Variants in NDUFAF6 observed in about 807,000 individuals in gnomAD.
The protein encoded by NDUFAF6 is NADH:ubiquinone oxidoreductase complex assembly factor 6.
NDUFAF6 carries 45 observed loss-of-function variants against 40.8 expected under a neutral mutation model. The ratio of observed to expected loss-of-function variants is 1.10; its 90% CI spans 0.87 to 1.42. The LOEUF is 1.42. NDUFAF6 is among the 40% of genes most tolerant of loss of function. NDUFAF6 has a pLI of 0.00. For synonymous variants in NDUFAF6, 185 were observed against 155.9 expected (o/e 1.19, Z -1.39); for missense variants, 435 against 418.5 (o/e 1.04, Z -0.34).
intron 1 of NDUFAF6, chr8:94,928,733 CTCTAA>C: frequency 6.6e-6 from 1 of 152,360 alleles, no homozygotes; most frequent in East Asian, 1.9e-4. Flanking sequence ...ACTCCAAACG[CTCTAA>C]TCTAGTCAGA....
At chr8:94,993,751 C>A (rs369988742) in intron 2 of NDUFAF6, among the ~76,000 whole-genome samples, 5 of 152,272 alleles carry the variant, frequency 3.3e-5, no homozygotes, top group South Asian at 2.1e-4. Context: ...AGTGCCCATC[C>A]AGCCCACAAA....
chr8:95,014,048 C>G (rs898790480), intron 2 of NDUFAF6, among the ~76,000 whole-genome samples: 3 of 152,220 alleles, frequency 2.0e-5, no homozygotes, highest in African/African-American at 4.8e-5. Context: ...CAGAAGCTAG[C>G]AGAGAGGCAC....
downstream of NDUFAF6, among the ~76,000 whole-genome samples, chr8:95,107,467 G>A (rs1975426): frequency 0.83 from 126,237 of 152,004 alleles, 52,824 homozygotes; most frequent in East Asian, 1. Flanking sequence ...ATCACACACC[G>A]GGGCCTGTCG....
chr8:95,100,953 A>G (rs1809630786), intron 1 of NDUFAF6, among the ~76,000 whole-genome samples: 1 of 152,148 alleles, frequency 6.6e-6, no homozygotes, highest in Non-Finnish European at 1.5e-5. Context: ...GCTGCCTCCT[A>G]GCTTAATGTT....
chr8:94,967,519 A>G (rs961010980), intron 1 of NDUFAF6, among the ~76,000 whole-genome samples: 1 of 152,194 alleles, frequency 6.6e-6, no homozygotes, highest in Non-Finnish European at 1.5e-5. Context: ...CTGTTGCATT[A>G]TCCTGAAACT....
Position 95,057,885 on chromosome 8 carries a change from A to G in NDUFAF6, c.950A>G (p.Asn317Ser), listed in dbSNP as rs757882119. 4 of 1,588,168 alleles carry G rather than the reference A, an allele frequency of 2.5e-6. No homozygotes were observed. In the South Asian group the frequency reaches 4.4e-5, roughly 18 times the overall value. ...TTCCACCCATCTTTACAGCAGAAGAATACATTACTTCCATTATATTTGTAT... is the reference window on the plus strand; with the variant it reads ...TTCCACCCATCTTTACAGCAGAAGAGTACATTACTTCCATTATATTTGTAT... ...DIFHPSLQQK[N>S]TLLPLYLYIQ... The change falls in exon 9 of 9, where the codon AAT (asparagine) becomes AGT (serine). Residue 317 changes from asparagine to serine, a missense_variant. Physicochemically the swap from Asn to Ser is conservative, Grantham distance 46 (BLOSUM62 1). Coordinates refer to ENST00000396124, the MANE Select transcript of NDUFAF6 (RefSeq NM_152416.4).
At chr8:95,007,171 G>A (rs1013873460) in intron 2 of NDUFAF6, among the ~76,000 whole-genome samples, 2 of 152,090 alleles carry the variant, frequency 1.3e-5, no homozygotes, top group African/African-American at 4.8e-5. Context: ...CTTCTGAAAG[G>A]CTGAGAGAGA....
At chr8:95,081,143 C>CTTTTTTTT (rs559573385), downstream of NDUFAF6, among the ~76,000 whole-genome samples, 7 of 57,758 alleles carry the variant, frequency 1.2e-4, no homozygotes, top group African/African-American at 4.0e-4. Flanking sequence ...AGTCCTGCAT[C>CTTTTTTTT]TTTTTTTTTT....
chr8:95,005,554 A>ATATATATATATATATATATAAATAT (rs1554657858), intron 2 of NDUFAF6, among the ~76,000 whole-genome samples: 2 of 115,354 alleles, frequency 1.7e-5, no homozygotes, highest in African/African-American at 7.5e-5. Context: ...TATATATATA[A>ATATATATATATATATATATAAATAT]AAAATATATT....
chr8:94,971,923 A>T (rs890353886), intron 1 of NDUFAF6, among the ~76,000 whole-genome samples: 1 of 151,752 alleles, frequency 6.6e-6, no homozygotes, highest in Non-Finnish European at 1.5e-5. Context: ...GGGCAACAAG[A>T]GCGGAAAAAA....
intron 2 of NDUFAF6, among the ~76,000 whole-genome samples, chr8:95,092,889 A>T (rs1179836453): frequency 2.0e-5 from 3 of 152,184 alleles, no homozygotes; most frequent in African/African-American, 4.8e-5. Flanking sequence ...GGCCTGCTGA[A>T]GCCTTTTAAG....
chr8:95,084,969 C>T (rs1808993535), intron 2 of NDUFAF6, among the ~76,000 whole-genome samples: 1 of 152,192 alleles, frequency 6.6e-6, no homozygotes, highest in African/African-American at 2.4e-5. Context: ...AATCTCTATA[C>T]TAAAAACATC....
intron 2 of NDUFAF6, among the ~76,000 whole-genome samples, chr8:95,033,112 C>T (rs1298372344): frequency 6.6e-6 from 1 of 152,124 alleles, no homozygotes; most frequent in African/African-American, 2.4e-5. Context: ...ATGATCACAG[C>T]TTATTGTAAC....
chr8:94,978,347 G>A (rs571014828), intron 1 of NDUFAF6, among the ~76,000 whole-genome samples: 7 of 152,188 alleles, frequency 4.6e-5, no homozygotes, highest in African/African-American at 1.2e-4. Flanking sequence ...TTGCCCTCAG[G>A]ACACTTTTGG....
chr8:94,896,708 GGCGGCGCCCGGCGACCCCC>G (rs1329987184), intron 1 of NDUFAF6: 1 of 152,006 alleles, frequency 6.6e-6, no homozygotes, highest in Admixed American at 6.5e-5. Context: ...TGCACCGGGA[GGCGGCGCCCGGCGACCCCC>G]GCTCCCGCCC....
intron 1 of NDUFAF6, among the ~76,000 whole-genome samples, chr8:94,963,413 G>C (rs1401601663): frequency 6.6e-6 from 1 of 152,190 alleles, no homozygotes; most frequent in Admixed American, 6.5e-5. Flanking sequence ...TAAACAAAAT[G>C]CTATGGAAAC....
intron 2 of NDUFAF6, among the ~76,000 whole-genome samples, chr8:95,007,999 C>T (rs1266973130): frequency 2.6e-5 from 4 of 152,146 alleles, no homozygotes; most frequent in African/African-American, 9.7e-5. Context: ...GCTGGGATTA[C>T]AGGCATGAGC....
chr8:94,948,492 T>C (rs1033312322), intron 2 of NDUFAF6, among the ~76,000 whole-genome samples: 8 of 152,192 alleles, frequency 5.3e-5, no homozygotes, highest in Non-Finnish European at 7.3e-5. Flanking sequence ...TAGCGAAGAC[T>C]GAGTTCAAGC....
chr8:94,935,270 C>A (rs1470852596), intron 1 of NDUFAF6, among the ~76,000 whole-genome samples: 1 of 152,130 alleles, frequency 6.6e-6, no homozygotes, highest in Non-Finnish European at 1.5e-5. Flanking sequence ...TCCACCTGGA[C>A]CCTCAACCTA....
Sources: gnomAD v4.1 joint callset for allele counts (sites outside exome capture counted in the v4.1 genomes callset) on GRCh38, gnomAD v4.1.1 for gene constraint, MANE v1.5 for transcripts, NCBI Gene and HGNC (gene_info 2026-07-23, HGNC 2026-07-21) for gene names.